Variants in GPC1 observed in about 807,000 individuals in gnomAD.
GPC1 encodes the protein glypican 1.
A neutral mutation model predicts 51.5 loss-of-function variants in GPC1; 26 were observed. That is an observed-to-expected ratio of 0.50 (90% confidence interval 0.37 to 0.70). GPC1 has a LOEUF of 0.70. GPC1 is among the 30% of genes least tolerant of loss of function. The pLI is 0.00. For missense variants in GPC1, 775 were observed against 800.5 expected, an observed-to-expected ratio of 0.97 and a Z score of 0.38; for synonymous variants, 380 against 348.3, an observed-to-expected ratio of 1.09 and a Z score of -1.01.
At chr2:240,458,293 C>T (rs567227961) in intron 1 of GPC1, 120 of 284,910 alleles carry the variant, frequency 4.2e-4, no homozygotes, top group Non-Finnish European at 7.6e-4. Context: ...GTCCCCACTC[C>T]CCACAAGGAG....
Position 240,462,541 on chromosome 2 carries a change from G to A in GPC1, c.676G>A (p.Gly226Ser), listed in dbSNP as rs2151796424. 6.4e-7 allele frequency: 1 copy of A among 1,552,750 alleles called. No individual in the cohort carries two copies. The highest frequency in any genetic ancestry group is 1.4e-5 in the African/African-American group (1 of 73,112). ...AFVAARSFVQGLGVASDVVRK... is the reference protein window; with the variant it reads ...AFVAARSFVQSLGVASDVVRK... Reference sequence around the variant, plus strand: ...CGTGGCTGCTCGCTCCTTTGTGCAGGGCCTGGGCGTGGCCAGCGACGTGGT... The same window carrying A: ...CGTGGCTGCTCGCTCCTTTGTGCAGAGCCTGGGCGTGGCCAGCGACGTGGT... Residue 226 changes from glycine to serine, a missense_variant, in exon 3 of 9, where the codon GGC becomes AGC. Coordinates refer to ENST00000264039, the MANE Select transcript of GPC1 (RefSeq NM_002081.3).
chr2:240,447,303 G>A (rs1464533766), intron 1 of GPC1, among the ~76,000 whole-genome samples: 1 of 152,190 alleles, frequency 6.6e-6, no homozygotes, highest in African/African-American at 2.4e-5. Flanking sequence ...TCTGGGTACC[G>A]GGACACAGCA....
At position 240,435,875 on chromosome 2, in the gene GPC1, G is replaced by A. The variant is rs963869552; in HGVS notation, c.-44G>A. 5 of 1,190,300 alleles carry A rather than the reference G, an allele frequency of 4.2e-6. No individual in the cohort carries two copies. In the African/African-American group the frequency reaches 6.4e-5, roughly 15 times the overall value. The allele number at this position is 1,190,300 out of a possible 1,614,324, so 73.7% of individuals were successfully genotyped here. On this transcript the variant is annotated 5_prime_UTR_variant, in exon 1 of 9. Transcript: ENST00000264039. ...ACTGCGCAGGACCCGGCCAGGATCCGAGAGAGGCGCGGGCGGGTGGCCGGG... is the reference window on the plus strand; with the variant it reads ...ACTGCGCAGGACCCGGCCAGGATCCAAGAGAGGCGCGGGCGGGTGGCCGGG...
chr2:240,464,019 C>T lies in GPC1; in HGVS notation c.883+507C>T, dbSNP rs3792219. 1.7e-3 allele frequency: 346 copies of T among 206,480 alleles called. 10 individuals are homozygous for T. In the East Asian group the frequency reaches 0.03, roughly 18 times the overall value. The allele number at this position is 206,480 out of a possible 1,614,324, so 12.8% of individuals were successfully genotyped here. A position where few individuals can be genotyped will look rare whatever the true frequency, so the allele number is the denominator to read the frequency against. On this transcript the variant is annotated intron_variant, in intron 4 of 8. Coordinates refer to ENST00000264039, the MANE Select transcript of GPC1 (RefSeq NM_002081.3). Reference sequence around the variant, plus strand: ...GTGTGGTAATATGTACATGCTTATCCAGATCCACTAACATGTACACATGCT... The same window carrying T: ...GTGTGGTAATATGTACATGCTTATCTAGATCCACTAACATGTACACATGCT...
At chr2:240,459,849 G>A (rs2074202044) in intron 2 of GPC1, among the ~76,000 whole-genome samples, 2 of 152,168 alleles carry the variant, frequency 1.3e-5, no homozygotes, top group South Asian at 2.1e-4. Flanking sequence ...GGGTCAGGAG[G>A]TCCTCCATGA....
chr2:240,437,393 G>GC (rs1235824403), intron 1 of GPC1, among the ~76,000 whole-genome samples: 6 of 151,270 alleles, frequency 4.0e-5, no homozygotes, highest in African/African-American at 1.5e-4. Context: ...CCCCCTGACC[G>GC]CCCCCCACAG....
chr2:240,444,630 C>T (rs1031534875), intron 1 of GPC1, among the ~76,000 whole-genome samples: 67 of 152,034 alleles, frequency 4.4e-4, no homozygotes, highest in Admixed American at 4.1e-3. Flanking sequence ...GTGGCCTGTG[C>T]GCACCTTCAG....
Position 240,465,592 on chromosome 2 carries a change from T to G in GPC1, c.1388T>G (p.Met463Arg), listed in dbSNP as rs775328791. The G allele has an allele frequency of 3.7e-6, 6 of 1,612,976 alleles. No homozygotes were observed. The African/African-American group carries it at 5.3e-5, about 14-fold the overall frequency. The stretch of plus-strand genomic sequence containing the variant: ...CAGCAGATCATGCAGCTGAAGATCA[T>G]GACCAACCGGCTGCGCAGCGCCTAC... ...IRQQIMQLKI[M>R]TNRLRSAYNG... Residue 463 changes from methionine (M) to arginine (R), a missense_variant, in exon 8 of 9, where the codon ATG becomes AGG. Physicochemically the swap from Met to Arg is moderately conservative, Grantham distance 91. Transcript: ENST00000264039.
chr2:240,447,485 C>T (rs1300723160), intron 1 of GPC1, among the ~76,000 whole-genome samples: 6 of 152,336 alleles, frequency 3.9e-5, no homozygotes, highest in Non-Finnish European at 5.9e-5. Flanking sequence ...ACACTGCCTG[C>T]GCCCCTGTCC....
intron 1 of GPC1, among the ~76,000 whole-genome samples, chr2:240,453,856 T>C (rs1001201325): frequency 3.3e-5 from 5 of 152,022 alleles, no homozygotes; most frequent in African/African-American, 1.2e-4. Context: ...CGAGCCTTTG[T>C]TCCGCCGCCG....
At chr2:240,445,903 C>T (rs1371213160) in intron 1 of GPC1, among the ~76,000 whole-genome samples, 1 of 152,132 alleles carries the variant, frequency 6.6e-6, no homozygotes, top group East Asian at 1.9e-4. Flanking sequence ...AAACGGCTTC[C>T]CGGGGAAGCA....
At chr2:240,461,404 G>T (rs937799604) in intron 2 of GPC1, among the ~76,000 whole-genome samples, 1 of 152,222 alleles carries the variant, frequency 6.6e-6, no homozygotes, top group African/African-American at 2.4e-5. Flanking sequence ...CCCTAGGGAC[G>T]CTCTGAGCAG....
chr2:240,455,986 G>A, intron 1 of GPC1: 1 of 427,074 alleles, frequency 2.3e-6, no homozygotes, highest in South Asian at 1.7e-5. Context: ...CGTCCAGCCT[G>A]CCGGGGGCTC....
chr2:240,449,589 T>G, intron 1 of GPC1: 1 of 236,068 alleles, frequency 4.2e-6, no homozygotes, highest in Non-Finnish European at 8.6e-6. Flanking sequence ...TTTTCAAGAG[T>G]TCAGTTTTCA....
intron 1 of GPC1, 100 bp from the exon 2 acceptor site, chr2:240,458,930 C>T (rs372632264): frequency 8.9e-6 from 10 of 1,129,934 alleles, no homozygotes; most frequent in South Asian, 4.4e-5. Context: ...AGCTGTGCTC[C>T]ACCCTGGGTC....
intron 1 of GPC1, chr2:240,456,678 TC>T (rs1490773232): frequency 2.1e-6 from 1 of 466,406 alleles, no homozygotes; most frequent in East Asian, 7.0e-5. Flanking sequence ...GCCCACACCC[TC>T]GGAGAGACGC....
chr2:240,440,715 C>T (rs2074012126), intron 1 of GPC1, among the ~76,000 whole-genome samples: 1 of 74,506 alleles, frequency 1.3e-5, no homozygotes, highest in Non-Finnish European at 2.7e-5. Context: ...CCCAGCTCCT[C>T]CTGGCCTCCC....
intron 1 of GPC1, chr2:240,451,070 G>C (rs150042448): frequency 6.4e-6 from 3 of 466,182 alleles, no homozygotes; most frequent in Non-Finnish European, 4.5e-6. Flanking sequence ...ATGGCTTCTC[G>C]GGAAGTGGTT....
chr2:240,455,083 C>T (rs1039768508), intron 1 of GPC1: 2 of 169,562 alleles, frequency 1.2e-5, no homozygotes, highest in African/African-American at 4.8e-5. Context: ...GGTCCAGAAC[C>T]GTCAGGATCG....
Sources: allele counts gnomAD v4.1 joint callset (sites outside exome capture counted in the v4.1 genomes callset), GRCh38; gene constraint gnomAD v4.1.1; transcripts MANE v1.5; gene names NCBI Gene and HGNC (gene_info 2026-07-23, HGNC 2026-07-21).